Variants in WDR27 observed in about 807,000 individuals in gnomAD.
WDR27 encodes the protein WD repeat-containing protein 27.
WDR27 carries 100 observed loss-of-function variants against 114.4 expected under a neutral mutation model. The observed-to-expected ratio is 0.87, with a 90% CI of 0.74 to 1.03. The LOEUF (loss-of-function observed/expected upper bound fraction) is 1.03, where lower values mean the gene tolerates loss of function less well. Ranked by LOEUF, WDR27 falls within the 50% of genes least tolerant of loss-of-function variation. The pLI, the probability that WDR27 is intolerant of heterozygous loss-of-function variation, is 0.00. For missense variants in WDR27, 1,129 were observed against 1,092.9 expected (o/e 1.03, Z -0.47); for synonymous variants, 449 against 423.1 (o/e 1.06, Z -0.75).
At chr6:169,647,921 T>G in intron 15 of WDR27, 51 bp from the exon 16 acceptor site, 1 of 1,351,518 alleles carries the variant, frequency 7.4e-7, no homozygotes, top group East Asian at 2.6e-5. Context: ...ACAGTGAGAT[T>G]AGAAGTAAAA....
Position 169,643,806 on chromosome 6 carries a change from A to G in WDR27, c.1658-20T>C. 1 of 1,601,442 alleles carries G rather than the reference A, an allele frequency of 6.2e-7. No individual in the cohort carries two copies. The highest frequency in any genetic ancestry group is 8.5e-7 in the Non-Finnish European group (1 of 1,171,954). ...CATCTCCTGTTAAAAGAATTTTAAA[A>G]AAAGACTTCTTAGAAAAGCCTAATT... On this transcript the variant is annotated intron_variant, in intron 16 of 25. Transcript: ENST00000448612.
chr6:169,461,492 A>C (rs1784895746), intron 25 of WDR27, among the ~76,000 whole-genome samples: 1 of 152,196 alleles, frequency 6.6e-6, no homozygotes, highest in African/African-American at 2.4e-5. Context: ...TGTGGAAATT[A>C]AATGACACAC....
chr6:169,688,832 C>T lies in WDR27; in HGVS notation c.174G>A (p.Lys58=), dbSNP rs775546583. The T allele has an allele frequency of 6.2e-7, 1 of 1,607,694 alleles. No homozygotes were observed. ...DGTELCIWNT[K]DPSHQLLILR... ...CGTTCAATACCTGATGAGAAGGATC[C>T]TTAGTGTTCCATATACAAAGTTCAG... The change falls in exon 2 of 26, where the codon AAG becomes AAA. Residue 58 remains lysine (K), a synonymous_variant. Coordinates refer to ENST00000448612, the MANE Select transcript of WDR27 (RefSeq NM_182552.5).
At chr6:169,541,416 T>C (rs1323491426) in intron 25 of WDR27, among the ~76,000 whole-genome samples, 1 of 152,236 alleles carries the variant, frequency 6.6e-6, no homozygotes, top group African/African-American at 2.4e-5. Flanking sequence ...TGGGGATCAA[T>C]GAGCTGCAGA....
chr6:169,453,735 C>A (rs552373896), downstream of WDR27, among the ~76,000 whole-genome samples: 305 of 152,250 alleles, frequency 2.0e-3, no homozygotes, highest in African/African-American at 6.7e-3. Flanking sequence ...TTCTTAAATT[C>A]TCTGTTGAAA....
intron 25 of WDR27, among the ~76,000 whole-genome samples, chr6:169,464,194 A>G (rs1785255120): frequency 6.6e-6 from 1 of 152,216 alleles, no homozygotes; most frequent in African/African-American, 2.4e-5. Context: ...CCTATAGACA[A>G]ATGGGATAGA....
chr6:169,693,393 G>A (rs1784998785), intron 1 of WDR27, among the ~76,000 whole-genome samples: 1 of 152,122 alleles, frequency 6.6e-6, no homozygotes, highest in South Asian at 2.1e-4. Context: ...TCCTTAAAAC[G>A]TAAATCTCAC....
intron 1 of WDR27, among the ~76,000 whole-genome samples, chr6:169,690,948 G>A (rs1056433736): frequency 1.3e-4 from 20 of 152,168 alleles, no homozygotes; most frequent in East Asian, 1.9e-4. Context: ...GGGCACGGTC[G>A]CTCACGCCTG....
At chr6:169,606,977 A>G (rs1369572576) in intron 22 of WDR27, among the ~76,000 whole-genome samples, 2 of 152,208 alleles carry the variant, frequency 1.3e-5, no homozygotes, top group South Asian at 2.1e-4. Flanking sequence ...GCCAGCAAGC[A>G]TATGAAAAAT....
intron 25 of WDR27, among the ~76,000 whole-genome samples, chr6:169,480,242 C>T (rs1279814093): frequency 3.9e-5 from 6 of 152,186 alleles, no homozygotes; most frequent in Non-Finnish European, 8.8e-5. Context: ...GTGCCATGCT[C>T]GAATTCTCGC....
chr6:169,629,927 CAAAAAAAAAAA>C (rs747455041), intron 21 of WDR27, among the ~76,000 whole-genome samples: 1 of 52,424 alleles, frequency 1.9e-5, no homozygotes, highest in Non-Finnish European at 4.1e-5. Flanking sequence ...AACTTCATCT[CAAAAAAAAAAA>C]AAAAAAAAAA....
At chr6:169,582,134 C>T (rs1213144732) in intron 24 of WDR27, among the ~76,000 whole-genome samples, 3 of 152,104 alleles carry the variant, frequency 2.0e-5, no homozygotes, top group Admixed American at 2.0e-4. Context: ...CCACCATGGT[C>T]GGCTCATTTT....
intron 25 of WDR27, among the ~76,000 whole-genome samples, chr6:169,519,621 C>T (rs77963433): frequency 0.016 from 2,483 of 152,142 alleles, 63 homozygotes; most frequent in African/African-American, 0.057. Flanking sequence ...CCCTCATGAC[C>T]CACACACCTC....
In WDR27 at chr6:169,662,260, A is replaced by G. The variant is rs764627497; in HGVS notation, c.1025+44T>C. The G allele has an allele frequency of 2.5e-6, 4 of 1,593,314 alleles. No individual in the cohort carries two copies. In the East Asian group the frequency reaches 6.8e-5, roughly 27 times the overall value. ...ACCTAATGTTCATCTAAGGAATTTA[A>G]GAGGTTTCCTTTATGTGGCATAGGC... is the stretch of plus-strand genomic sequence containing the variant. On this transcript the variant is annotated intron_variant, in intron 9 of 25. Coordinates refer to ENST00000448612, the MANE Select transcript of WDR27 (RefSeq NM_182552.5).
At chr6:169,680,660 G>A (rs1252953480) in intron 2 of WDR27, among the ~76,000 whole-genome samples, 1 of 152,166 alleles carries the variant, frequency 6.6e-6, no homozygotes, top group Non-Finnish European at 1.5e-5. Context: ...AGTAATAATG[G>A]ATTGTCAGGT....
At chr6:169,580,933 T>TTATATATATATATATATATA (rs1220748162) in intron 24 of WDR27, among the ~76,000 whole-genome samples, 30 of 53,676 alleles carry the variant, frequency 5.6e-4, no homozygotes, top group East Asian at 2.0e-3. Flanking sequence ...TTAGTGAATT[T>TTATATATATATATATATATA]TATATATATA....
At chr6:169,660,603 C>T in intron 10 of WDR27, 60 bp downstream of exon 10, 1 of 1,401,578 alleles carries the variant, frequency 7.1e-7, no homozygotes, top group Non-Finnish European at 1.0e-6. Flanking sequence ...CTTACACTAC[C>T]CCACATACCA....
intron 25 of WDR27, among the ~76,000 whole-genome samples, chr6:169,459,947 C>T (rs1439761857): frequency 6.6e-6 from 1 of 151,998 alleles, no homozygotes; most frequent in African/African-American, 2.4e-5. Context: ...CCTGCCCTGC[C>T]AGAAATGTGT....
chr6:169,483,509 T>C (rs1200158990), intron 25 of WDR27, among the ~76,000 whole-genome samples: 1 of 152,176 alleles, frequency 6.6e-6, no homozygotes, highest in East Asian at 1.9e-4. Flanking sequence ...GAAATTGAAT[T>C]GGTAATAAAT....
Sources: gnomAD v4.1 joint callset for allele counts (sites outside exome capture counted in the v4.1 genomes callset) on GRCh38, gnomAD v4.1.1 for gene constraint, MANE v1.5 for transcripts, NCBI Gene and HGNC (gene_info 2026-07-23, HGNC 2026-07-21) for gene names.